Variants in CEP112 observed in about 807,000 individuals in gnomAD.
CEP112 encodes centrosomal protein 112.
In CEP112, 127 loss-of-function variants were observed where a neutral mutation model predicts 153.0. The observed-to-expected ratio is 0.83, with a 90% CI of 0.72 to 0.96. The LOEUF is 0.96. Among genes scored for constraint, CEP112 ranks in the 40% least tolerant of loss-of-function variants. CEP112 has a pLI of 0.00. For synonymous variants in CEP112, 358 were observed against 374.4 expected, an observed-to-expected ratio of 0.96 and a Z score of 0.51; for missense variants, 1,089 against 1,101.2, an observed-to-expected ratio of 0.99 and a Z score of 0.16.
chr17:65,655,470 T>C, intron 24 of CEP112: 1 of 879,516 alleles, frequency 1.1e-6, no homozygotes, highest in Non-Finnish European at 1.9e-6. Flanking sequence ...AGTGTTTATG[T>C]ACTCTTAGCA....
Position 65,720,991 on chromosome 17 carries a change from T to TTCTCTC in CEP112, c.2607+22076_2607+22077insGAGAGA, listed in dbSNP as rs780679393. Among the ~76,000 whole-genome samples the TTCTCTC allele has an allele frequency of 3.6e-4, 50 of 140,454 alleles. 1 individual carries two copies. Among genetic ancestry groups the TTCTCTC allele is most frequent in the African/African-American group, 1.3e-3 (46 of 34,318 alleles). 92.1% of individuals were successfully genotyped at this position (140,454 alleles called of 152,430 possible). Reference sequence around the variant, plus strand: ...GTTCCAGAATCCATGCTTTTAAGTTTTATCTCTCTCTCTCTCTCTTTTTTT... The same window carrying TTCTCTC: ...GTTCCAGAATCCATGCTTTTAAGTTTTCTCTCTATCTCTCTCTCTCTCTCTTTTTTT... On this transcript the variant is annotated intron_variant, in intron 23 of 26. Coordinates refer to ENST00000535342, the MANE Select transcript of CEP112 (RefSeq NM_001199165.4).
intron 24 of CEP112, among the ~76,000 whole-genome samples, chr17:65,676,665 T>C (rs1043770044): frequency 1.3e-5 from 2 of 152,184 alleles, no homozygotes; most frequent in Admixed American, 1.3e-4. Context: ...GTTTGGTGAA[T>C]TGAAGTTTCA....
chr17:65,722,003 G>A lies in CEP112; in HGVS notation c.2607+21065C>T, dbSNP rs111551504. Among the ~76,000 whole-genome samples the A allele has an allele frequency of 7.0e-3, 1,059 of 152,280 alleles. 12 individuals are homozygous for A. The highest frequency in any genetic ancestry group is 0.024 in the African/African-American group (1,013 of 41,572). ...GAACCACAGTAGAGGTGAGAAAGAT[G>A]CTCCATCCATTTTAGCAGCTCACAT... On this transcript the variant is annotated intron_variant, in intron 23 of 26. Coordinates refer to ENST00000535342, the MANE Select transcript of CEP112 (RefSeq NM_001199165.4).
Position 66,156,543 on chromosome 17 carries a change from T to A in CEP112, c.470+18501A>T, listed in dbSNP as rs1487969296. Among the ~76,000 whole-genome samples the A allele has an allele frequency of 6.0e-4, 92 of 152,080 alleles. 1 individual carries two copies. On this transcript the variant is annotated intron_variant, in intron 4 of 26. Transcript: ENST00000535342. ...GGACAGAGAATGAGTTTGACGAATT[T>A]ACAGAAGTAGGCTTCAGAAGGTGGG... is the stretch of plus-strand genomic sequence containing the variant.
intron 8 of CEP112, among the ~76,000 whole-genome samples, chr17:66,093,984 C>T (rs1364170227): frequency 1.3e-5 from 2 of 152,088 alleles, no homozygotes; most frequent in South Asian, 2.1e-4. Context: ...GACACACAGA[C>T]CTAATGAAAC....
chr17:65,913,857 G>A (rs68159343), intron 19 of CEP112: 163,699 of 984,786 alleles, frequency 0.17, 14,089 homozygotes, highest in Admixed American at 0.27. Context: ...GCTATCTCCT[G>A]TGGTTATCTT....
At chr17:65,695,897 A>T (rs1404340116) in intron 23 of CEP112, among the ~76,000 whole-genome samples, 1 of 152,230 alleles carries the variant, frequency 6.6e-6, no homozygotes, top group Non-Finnish European at 1.5e-5. Context: ...TCTTCAGCTT[A>T]TAGCTCAGAA....
intron 20 of CEP112, 68 bp downstream of exon 20, chr17:65,902,084 G>T (rs2059886739): frequency 9.7e-7 from 1 of 1,031,554 alleles, no homozygotes; most frequent in Non-Finnish European, 1.3e-6. Context: ...AGAATAATAA[G>T]AAAACATTAA....
intron 20 of CEP112, among the ~76,000 whole-genome samples, chr17:65,871,912 T>C (rs907603831): frequency 2.0e-5 from 3 of 152,234 alleles, no homozygotes; most frequent in African/African-American, 7.2e-5. Context: ...TGGATGACTT[T>C]TACATCAACG....
intron 20 of CEP112, among the ~76,000 whole-genome samples, chr17:65,852,399 CCT>C (rs1179130251): frequency 9.6e-5 from 2 of 20,908 alleles, no homozygotes; most frequent in Non-Finnish European, 1.8e-4. Context: ...CCCTCCCTTC[CCT>C]CTCCCTCCCT....
chr17:65,747,377 A>T (rs577057907), intron 22 of CEP112, among the ~76,000 whole-genome samples: 2 of 152,156 alleles, frequency 1.3e-5, no homozygotes, highest in African/African-American at 4.8e-5. Flanking sequence ...AGTGTGGGAC[A>T]GTGGTAGGAG....
At chr17:66,136,411 TG>T (rs1016583969) in intron 4 of CEP112, among the ~76,000 whole-genome samples, 2 of 152,038 alleles carry the variant, frequency 1.3e-5, no homozygotes, top group Non-Finnish European at 2.9e-5. Flanking sequence ...TCTAAATGCC[TG>T]GGGACCACTG....
At chr17:65,861,206 T>C (rs2058300467) in intron 20 of CEP112, among the ~76,000 whole-genome samples, 1 of 152,210 alleles carries the variant, frequency 6.6e-6, no homozygotes, top group Non-Finnish European at 1.5e-5. Flanking sequence ...TGAAAACCAC[T>C]GAATGGTACA....
chr17:65,656,747 AT>A (rs1258731434), intron 24 of CEP112, among the ~76,000 whole-genome samples: 1 of 152,198 alleles, frequency 6.6e-6, no homozygotes, highest in Non-Finnish European at 1.5e-5. Flanking sequence ...GACTGTGTTC[AT>A]TTTGCTGACT....
intron 16 of CEP112, among the ~76,000 whole-genome samples, chr17:66,006,622 C>A (rs2064288701): frequency 6.6e-6 from 1 of 151,886 alleles, no homozygotes; most frequent in Non-Finnish European, 1.5e-5. Context: ...AAAAAAATGT[C>A]TTCACAAAAA....
At chr17:65,747,492 G>GA (rs1370369190) in intron 22 of CEP112, among the ~76,000 whole-genome samples, 1 of 152,166 alleles carries the variant, frequency 6.6e-6, no homozygotes, top group Non-Finnish European at 1.5e-5. Context: ...ATCTTTCCTT[G>GA]AAAAATGGCC....
intron 20 of CEP112, among the ~76,000 whole-genome samples, chr17:65,857,418 T>C (rs868485917): frequency 6.6e-6 from 1 of 152,198 alleles, no homozygotes; most frequent in Non-Finnish European, 1.5e-5. Flanking sequence ...CCTAATCTTT[T>C]TGCTGGTGGA....
intron 16 of CEP112, 101 bp downstream of exon 16, chr17:66,027,397 AGTT>A: frequency 1.9e-6 from 2 of 1,070,776 alleles, no homozygotes; most frequent in Non-Finnish European, 1.2e-6. Context: ...CAAAGAAACA[AGTT>A]GTTCTTTAAA....
intron 23 of CEP112, among the ~76,000 whole-genome samples, chr17:65,704,125 G>A (rs947956585): frequency 4.6e-5 from 7 of 151,954 alleles, no homozygotes; most frequent in Admixed American, 3.9e-4. Flanking sequence ...GCCCTGCGAC[G>A]ACAGGGCCAC....
Sources: gnomAD v4.1 joint callset for allele counts (sites outside exome capture counted in the v4.1 genomes callset) on GRCh38, gnomAD v4.1.1 for gene constraint, MANE v1.5 for transcripts, NCBI Gene and HGNC (gene_info 2026-07-23, HGNC 2026-07-21) for gene names.